Variants in RGPD8 observed in about 807,000 individuals in gnomAD.
RGPD8 encodes the protein RANBP2-like and GRIP domain-containing protein 8.
Under a neutral mutation model 89.1 loss-of-function variants are expected in RGPD8, and 15 were observed. That is an observed-to-expected ratio of 0.17 (90% CI 0.11 to 0.26). The LOEUF is 0.26. Ranked by LOEUF, RGPD8 falls within the 10% of genes least tolerant of loss-of-function variation. The pLI is 1.00. For synonymous variants in RGPD8, 62 were observed against 420.9 expected (o/e 0.15, Z 10.44); for missense variants, 178 against 1,179.6 (o/e 0.15, Z 12.44).
chr2:112,414,580 A>C, intron 6 of RGPD8, among the ~76,000 whole-genome samples: 1 of 76,446 alleles, frequency 1.3e-5, no homozygotes, highest in East Asian at 2.9e-4. Context: ...ATAAACACTG[A>C]CAGAAATAAC....
Position 112,432,637 on chromosome 2 carries a change from G to A in RGPD8, c.72+745C>T. 3 of 985,140 alleles carry A rather than the reference G, an allele frequency of 3.0e-6. No homozygotes were observed. In the East Asian group the frequency reaches 3.4e-4, roughly 112 times the overall value. 61.0% of individuals were successfully genotyped at this position (985,140 alleles called of 1,614,324 possible). On this transcript the variant is annotated intron_variant, in intron 1 of 22. Coordinates refer to ENST00000302558, the MANE Select transcript of RGPD8 (RefSeq NM_001164463.1). ...CTCCGCCGCGGCATATAAAGTAAATGTCCAGGACATGGGAAGAAACCCGCC... is the reference window on the plus strand; with the variant it reads ...CTCCGCCGCGGCATATAAAGTAAATATCCAGGACATGGGAAGAAACCCGCC...
At chr2:112,390,863 T>G in intron 19 of RGPD8, 112 bp downstream of exon 19, 1 of 801,342 alleles carries the variant, frequency 1.2e-6, no homozygotes, top group Non-Finnish European at 1.8e-6. Flanking sequence ...TATCTACATT[T>G]TAAGGGACAT....
intron 20 of RGPD8, among the ~76,000 whole-genome samples, 160 bp downstream of exon 20, chr2:112,387,864 C>T (rs1395387285): frequency 4.1e-5 from 6 of 144,700 alleles, no homozygotes; most frequent in East Asian, 1.9e-4. Flanking sequence ...GAAACCTCAC[C>T]GAGAACTTAT....
intron 9 of RGPD8, among the ~76,000 whole-genome samples, chr2:112,402,477 G>A (rs79139780): frequency 0.14 from 12,010 of 88,392 alleles, 1 homozygote; most frequent in Middle Eastern, 0.2. Context: ...GTGACAGAGC[G>A]AGACTCTGTC....
chr2:112,414,509 C>T (rs1276104887), intron 6 of RGPD8, among the ~76,000 whole-genome samples: 2 of 111,698 alleles, frequency 1.8e-5, no homozygotes, highest in Non-Finnish European at 3.6e-5. Flanking sequence ...TTATTATTAA[C>T]ACACAATAGG....
intron 22 of RGPD8, among the ~76,000 whole-genome samples, chr2:112,374,906 G>T (rs1195348456): frequency 8.4e-6 from 1 of 119,294 alleles, no homozygotes. Flanking sequence ...CTTGTTGCTT[G>T]GGCTGGAGTG....
At chr2:112,410,953 C>T (rs1308243608) in intron 7 of RGPD8, among the ~76,000 whole-genome samples, 23 of 151,964 alleles carry the variant, frequency 1.5e-4, no homozygotes, top group African/African-American at 5.1e-4. Context: ...GGCGTGGTGG[C>T]GTGTGCCTGT....
chr2:112,433,640 C>T lies in RGPD8; in HGVS notation c.-187G>A. 9.5e-6 allele frequency: 7 copies of T among 734,648 alleles called. No individual in the cohort carries two copies. Among genetic ancestry groups the T allele is most frequent in the Non-Finnish European group, 1.5e-5 (7 of 464,658 alleles). The allele number at this position is 734,648 out of a possible 1,614,324, so 45.5% of individuals were successfully genotyped here. On this transcript the variant is annotated 5_prime_UTR_variant, in exon 1 of 23. In the 5' UTR this introduces an upstream ATG that the reference lacks. Coordinates refer to ENST00000302558, the MANE Select transcript of RGPD8 (RefSeq NM_001164463.1). Reference sequence around the variant, plus strand: ...GACGAACCTGCGTTCTGCCTCAGCACTGTGTATCCTCGGGGACGTCGGCGC... The same window carrying T: ...GACGAACCTGCGTTCTGCCTCAGCATTGTGTATCCTCGGGGACGTCGGCGC...
At chr2:112,430,134 A>C (rs1679963431) in intron 1 of RGPD8, among the ~76,000 whole-genome samples, 1 of 152,198 alleles carries the variant, frequency 6.6e-6, no homozygotes, top group South Asian at 2.1e-4. Flanking sequence ...CTAACAAATG[A>C]AAGCACAATG....
chr2:112,379,561 C>T (rs1387395364), intron 21 of RGPD8, among the ~76,000 whole-genome samples: 24 of 146,400 alleles, frequency 1.6e-4, no homozygotes, highest in African/African-American at 5.5e-4. Context: ...CACCACTGCA[C>T]TCCAAACCTG....
At chr2:112,408,757 C>T (rs1466044644) in intron 7 of RGPD8, among the ~76,000 whole-genome samples, 188 of 150,786 alleles carry the variant, frequency 1.2e-3, no homozygotes, top group African/African-American at 4.1e-3. Flanking sequence ...CTGCAACCTC[C>T]GCCTCCTGGT....
At chr2:112,432,595 G>A (rs1680089134) in intron 1 of RGPD8, 1 of 985,362 alleles carries the variant, frequency 1.0e-6, no homozygotes, top group Non-Finnish European at 1.2e-6. Context: ...GGTTCCTCCA[G>A]GCCAAGGAGG....
Position 112,433,617 on chromosome 2 carries a change from C to G in RGPD8, c.-164G>C, listed in dbSNP as rs556518999. 2.1e-4 allele frequency: 165 copies of G among 783,484 alleles called. No individual in the cohort carries two copies. The highest frequency in any genetic ancestry group is 3.6e-4 in the South Asian group (20 of 55,118). The allele number at this position is 783,484 out of a possible 1,614,324, so 48.5% of individuals were successfully genotyped here. ...CGCCGCCCACGGAGGCCCACTGTGA[C>G]GAACCTGCGTTCTGCCTCAGCACTG... On this transcript the variant is annotated 5_prime_UTR_variant, in exon 1 of 23. Coordinates refer to ENST00000302558, the MANE Select transcript of RGPD8 (RefSeq NM_001164463.1).
At chr2:112,429,434 A>AAG in intron 1 of RGPD8, among the ~76,000 whole-genome samples, 1 of 146,984 alleles carries the variant, frequency 6.8e-6, no homozygotes, top group South Asian at 2.1e-4. Flanking sequence ...AAAAAAAAAA[A>AAG]AAAGAAAAGA....
chr2:112,424,455 C>A, intron 1 of RGPD8, 148 bp from the exon 2 acceptor site: 3 of 1,019,082 alleles, frequency 2.9e-6, no homozygotes, highest in Non-Finnish European at 4.1e-6. Flanking sequence ...TGCAGCGGCT[C>A]ATGCCTGTAA....
intron 18 of RGPD8, among the ~76,000 whole-genome samples, chr2:112,391,641 TC>T (rs1678717131): frequency 7.6e-6 from 1 of 131,952 alleles, no homozygotes; most frequent in Non-Finnish European, 1.6e-5. Context: ...AACTGTCTGC[TC>T]CCTCTGTTTG....
intron 2 of RGPD8, 135 bp downstream of exon 2, chr2:112,424,105 C>G (rs1432385823): frequency 5.1e-6 from 6 of 1,175,102 alleles, no homozygotes; most frequent in South Asian, 1.5e-5. Flanking sequence ...TAGCATCAGT[C>G]TGAGTGATAA....
At position 112,433,130 on chromosome 2, in the gene RGPD8, G is replaced by T. The variant is rs1326944790; in HGVS notation, c.72+252C>A. Reference sequence around the variant, plus strand: ...CCATGACCCCTGACCCATCGAGGCCGCCGCCGGGCCGGGTCGAGGCCGCCG... The same window carrying T: ...CCATGACCCCTGACCCATCGAGGCCTCCGCCGGGCCGGGTCGAGGCCGCCG... On this transcript the variant is annotated intron_variant, in intron 1 of 22. Coordinates refer to ENST00000302558, the MANE Select transcript of RGPD8 (RefSeq NM_001164463.1). 1.7e-4 allele frequency among the ~76,000 whole-genome samples: 19 copies of T among 113,946 alleles called. 1 individual carries two copies. The South Asian group carries it at 5.3e-3, about 32-fold the overall frequency. The allele number at this position is 113,946 out of a possible 152,430, so 74.8% of individuals were successfully genotyped here.
At chr2:112,379,335 G>A (rs1353251590) in intron 21 of RGPD8, among the ~76,000 whole-genome samples, 1 of 151,400 alleles carries the variant, frequency 6.6e-6, no homozygotes, top group Non-Finnish European at 1.5e-5. Context: ...GGTGGCTCAT[G>A]CCTGTAATCC....
Sources: allele counts gnomAD v4.1 joint callset (sites outside exome capture counted in the v4.1 genomes callset), GRCh38; gene constraint gnomAD v4.1.1; transcripts MANE v1.5; gene names NCBI Gene and HGNC (gene_info 2026-07-23, HGNC 2026-07-21).